POLR1G: variants seen among roughly 807,000 people sequenced by gnomAD.
The protein encoded by POLR1G is DNA-directed RNA polymerase I subunit RPA34.
In POLR1G, 9 loss-of-function variants were observed where a neutral mutation model predicts 6.3. The ratio of observed to expected loss-of-function variants is 1.44; its 90% CI spans 0.87 to 2.51. The LOEUF is 2.51. Ranked by LOEUF, POLR1G falls within the 30% of genes most tolerant of loss-of-function variation. The probability of loss-of-function intolerance (pLI) is 0.00; values close to 1 mark genes in which losing one functional copy is unlikely to be tolerated. For missense variants in POLR1G, 617 were observed against 632.5 expected (o/e 0.98, Z 0.26); for synonymous variants, 248 against 256.5 (o/e 0.97, Z 0.32).
rs757694703 is a variant in POLR1G at position 45,409,120 on chromosome 19, AAAG to A, written c.1157_1159del (p.Lys386del). On this transcript the variant is annotated inframe_deletion, in exon 3 of 3. Coordinates refer to ENST00000309424, the MANE Select transcript of POLR1G (RefSeq NM_012099.3). ...CCCAGGCAGCTCTGGCAGCTCCCAAAAAGAAGACGAAGAAAGAAAAACAGCAAG... is the reference window on the plus strand; with the variant it reads ...CCCAGGCAGCTCTGGCAGCTCCCAAAAAGACGAAGAAAGAAAAACAGCAAG... 3.7e-6 allele frequency: 6 copies of A among 1,613,258 alleles called. No homozygotes were observed. Among genetic ancestry groups the A allele is most frequent in the South Asian group, 2.2e-5 (2 of 91,002 alleles).
rs1370173436 is a variant in POLR1G at position 45,408,446 on chromosome 19, G to C, written c.478G>C (p.Gly160Arg). Residue 160 changes from glycine (G) to arginine (R), a missense_variant, in exon 3 of 3, where the codon GGG becomes CGG. Coordinates refer to ENST00000309424, the MANE Select transcript of POLR1G (RefSeq NM_012099.3). ...CTTTGGGGGCAACCCACCAGTCACAGGGCCTAGGTCAGCCTTGGCCCCCAA... is the reference window on the plus strand; with the variant it reads ...CTTTGGGGGCAACCCACCAGTCACACGGCCTAGGTCAGCCTTGGCCCCCAA... ...CAFGGNPPVT[G>R]PRSALAPNLL... 1 of 1,613,758 alleles carries C rather than the reference G, an allele frequency of 6.2e-7. No homozygotes were observed. The highest frequency in any genetic ancestry group is 8.5e-7 in the Non-Finnish European group (1 of 1,179,934).
chr19:45,408,377 C>T lies in POLR1G; in HGVS notation c.409C>T (p.Pro137Ser), dbSNP rs137924394. 211 of 1,608,838 alleles carry T rather than the reference C, an allele frequency of 1.3e-4. No homozygotes were observed. Among genetic ancestry groups the T allele is most frequent in the Non-Finnish European group, 1.7e-4 (205 of 1,176,470 alleles). The change falls in exon 3 of 3, where the codon CCC becomes TCC. Residue 137 changes from proline to serine, a missense_variant. Transcript: ENST00000309424. ...GSPLQPIPAS[P>S]PPQIPPGLRP... Reference sequence around the variant, plus strand: ...CCCTCTGCAGCCCATCCCAGCAAGTCCCCCACCACAGATCCCTCCTGGCCT... The same window carrying T: ...CCCTCTGCAGCCCATCCCAGCAAGTTCCCCACCACAGATCCCTCCTGGCCT...
chr19:45,407,320 G>A, intron 2 of POLR1G, 85 bp downstream of exon 2: 1 of 1,326,366 alleles, frequency 7.5e-7, no homozygotes, highest in Non-Finnish European at 1.1e-6. Context: ...AAGAATTAGA[G>A]GTGAGTCACA....
At position 45,409,008 on chromosome 19, in the gene POLR1G, T is replaced by C. The variant is rs1291235096; in HGVS notation, c.1040T>C (p.Met347Thr). The change falls in exon 3 of 3, where the codon ATG becomes ACG. Residue 347 changes from methionine to threonine, a missense_variant. Met to Thr is a moderately conservative substitution (Grantham distance 81). Transcript: ENST00000309424. Reference protein sequence around the residue: ...MAMMEPGTEAMEPVEPEMKPL... With the variant: ...MAMMEPGTEATEPVEPEMKPL... ...ATGATGGAGCCAGGGACGGAGGCGA[T>C]GGAGCCAGTGGAGCCGGAGATGAAG... The C allele has an allele frequency of 6.2e-7, 1 of 1,613,850 alleles. No homozygotes were observed. Among genetic ancestry groups the C allele is most frequent in the Admixed American group, 1.7e-5 (1 of 59,988 alleles).
chr19:45,407,540 A>G, intron 2 of POLR1G: 1 of 346,884 alleles, frequency 2.9e-6, no homozygotes, highest in Non-Finnish European at 5.2e-6. Flanking sequence ...CCTGCAACCT[A>G]AGCTTGCTCA....
chr19:45,408,089 T>C, intron 2 of POLR1G, 44 bp from the exon 3 acceptor site: 1 of 1,504,438 alleles, frequency 6.6e-7, no homozygotes, highest in Non-Finnish European at 9.0e-7. Flanking sequence ...ACCTTCCCTC[T>C]CCTGTTCCAC....
rs757913813 is a variant in POLR1G, at chr19:45,409,058, A to T, written c.1090A>T (p.Met364Leu). ...GCCTCTGGAGTCCCCAGGGGGGACCATGGCGCCTCAACAGCCAGAAGGAGC... is the reference window on the plus strand; with the variant it reads ...GCCTCTGGAGTCCCCAGGGGGGACCTTGGCGCCTCAACAGCCAGAAGGAGC... Reference protein sequence around the residue: ...MKPLESPGGTMAPQQPEGAKP... With the variant: ...MKPLESPGGTLAPQQPEGAKP... The change falls in exon 3 of 3, where the codon ATG becomes TTG. Residue 364 changes from methionine to leucine, a missense_variant. Transcript: ENST00000309424. 8 of 1,613,646 alleles carry T rather than the reference A, an allele frequency of 5.0e-6. No homozygotes were observed. In the African/African-American group the frequency reaches 9.3e-5, roughly 19 times the overall value.
In POLR1G at chr19:45,408,477, T is replaced by C. The variant is rs368322936; in HGVS notation, c.509T>C (p.Leu170Pro). The C allele has an allele frequency of 3.2e-5, 52 of 1,613,648 alleles. No homozygotes were observed. The African/African-American group carries it at 6.7e-4, about 21-fold the overall frequency. ...AGGTCAGCCTTGGCCCCCAACCTGCTCACCTCAGGGAAGAAGAAAAAGGAG... is the reference window on the plus strand; with the variant it reads ...AGGTCAGCCTTGGCCCCCAACCTGCCCACCTCAGGGAAGAAGAAAAAGGAG... ...GPRSALAPNL[L>P]TSGKKKKEMQ... The change falls in exon 3 of 3, where the codon CTC becomes CCC. Residue 170 changes from leucine (L) to proline (P), a missense_variant. Leu to Pro is a moderately conservative substitution (Grantham distance 98). Transcript: ENST00000309424.
Position 45,408,635 on chromosome 19 carries a change from G to A in POLR1G, c.667G>A (p.Glu223Lys), listed in dbSNP as rs575933606. The change falls in exon 3 of 3, where the codon GAA (glutamate) becomes AAA (lysine). Residue 223 changes from glutamate (E) to lysine (K), a missense_variant. Physicochemically the swap from Glu to Lys is moderately conservative, Grantham distance 56. Coordinates refer to ENST00000309424, the MANE Select transcript of POLR1G (RefSeq NM_012099.3). Reference sequence around the variant, plus strand: ...GAAGAAAAAAAATCAGCAGCTGAAAGAACCAGAGGCAGCAGGGCCTGTGGG... The same window carrying A: ...GAAGAAAAAAAATCAGCAGCTGAAAAAACCAGAGGCAGCAGGGCCTGTGGG... Reference protein sequence around the residue: ...KKKKKNQQLKEPEAAGPVGTE... With the variant: ...KKKKKNQQLKKPEAAGPVGTE... The A allele has an allele frequency of 8.7e-6, 14 of 1,613,828 alleles. No individual in the cohort carries two copies. The East Asian group carries it at 3.1e-4, about 36-fold the overall frequency.
chr19:45,409,510 C>T lies in POLR1G; in HGVS notation c.*9C>T, dbSNP rs755051088. ...AGCAGCAGCCTGTGTAGTCTGCCCC[C>T]GGGAAACTGAGGAACTAAAGAAAGC... On this transcript the variant is annotated 3_prime_UTR_variant, in exon 3 of 3. Coordinates refer to ENST00000309424, the MANE Select transcript of POLR1G (RefSeq NM_012099.3). 5.0e-6 allele frequency: 8 copies of T among 1,597,278 alleles called. No homozygotes were observed. Among genetic ancestry groups the T allele is most frequent in the Non-Finnish European group, 6.0e-6 (7 of 1,172,798 alleles).
rs1243917856 is a variant in POLR1G, at chr19:45,409,877, GTTA to G, written c.*394_*396del. 1,361 of 255,604 alleles carry G rather than the reference GTTA, an allele frequency of 5.3e-3. 50 individuals are homozygous for G. Among genetic ancestry groups the G allele is most frequent in the Non-Finnish European group, 6.2e-3 (907 of 145,368 alleles). 15.8% of individuals were successfully genotyped at this position (255,604 alleles called of 1,614,324 possible). A position where few individuals can be genotyped will look rare whatever the true frequency, so the allele number is the denominator to read the frequency against. ...AACAATCCAGTTACAATCTTTTTAA[GTTA>G]TTATTATTATTATTATTTTTTTTTT... On this transcript the variant is annotated 3_prime_UTR_variant, in exon 3 of 3. Coordinates refer to ENST00000309424, the MANE Select transcript of POLR1G (RefSeq NM_012099.3).
chr19:45,409,505 G>GC lies in POLR1G; in HGVS notation c.*9dup, dbSNP rs757317847. Reference sequence around the variant, plus strand: ...GCAGCAGCAGCAGCCTGTGTAGTCTGCCCCCGGGAAACTGAGGAACTAAAG... The same window carrying GC: ...GCAGCAGCAGCAGCCTGTGTAGTCTGCCCCCCGGGAAACTGAGGAACTAAAG... On this transcript the variant is annotated 3_prime_UTR_variant, in exon 3 of 3. Transcript: ENST00000309424. 14 of 1,600,920 alleles carry GC rather than the reference G, an allele frequency of 8.7e-6. No homozygotes were observed. The highest frequency in any genetic ancestry group is 2.2e-5 in the South Asian group (2 of 89,704).
rs1308353188 is a variant in POLR1G, at chr19:45,406,737, GGGGTGCGGA to G, written c.22+27_22+35del. 6 of 1,520,180 alleles carry G rather than the reference GGGGTGCGGA, an allele frequency of 3.9e-6. No homozygotes were observed. The highest frequency in any genetic ancestry group is 4.4e-6 in the Non-Finnish European group (5 of 1,136,972). 94.2% of individuals were successfully genotyped at this position (1,520,180 alleles called of 1,614,324 possible). On this transcript the variant is annotated intron_variant, in intron 1 of 2. Transcript: ENST00000309424. The surrounding 1 kb of genome is among the most constrained non-coding windows in gnomAD (Gnocchi z 4.2). Reference sequence around the variant, plus strand: ...GCCGGCGGTGAGGGTGCGGGTTGACGGGGTGCGGAGGGTGCGTTGGTGGAAGGAGAAAGG... The same window carrying G: ...GCCGGCGGTGAGGGTGCGGGTTGACGGGGTGCGTTGGTGGAAGGAGAAAGG...
In POLR1G at chr19:45,408,307, C is replaced by A. The variant is rs201322262; in HGVS notation, c.339C>A (p.Gly113=). Residue 113 remains glycine, a synonymous_variant, in exon 3 of 3, where the codon GGC becomes GGA. Coordinates refer to ENST00000309424, the MANE Select transcript of POLR1G (RefSeq NM_012099.3). ...TCACCTGTGCCTCAGCCCCCCAGGG[C>A]ACCCTAAGGATCCTTGAGGGTCCCC... ...GGLTCASAPQ[G]TLRILEGPQQ... 1.2e-6 allele frequency: 2 copies of A among 1,612,640 alleles called. No individual in the cohort carries two copies. The highest frequency in any genetic ancestry group is 1.7e-6 in the Non-Finnish European group (2 of 1,179,238).
In POLR1G at chr19:45,409,062, C is replaced by T. The variant is rs752096692; in HGVS notation, c.1094C>T (p.Ala365Val). The change falls in exon 3 of 3, where the codon GCG (alanine) becomes GTG (valine). Residue 365 changes from alanine (A) to valine (V), a missense_variant. By Grantham distance (64) the Ala-to-Val change is moderately conservative. Coordinates refer to ENST00000309424, the MANE Select transcript of POLR1G (RefSeq NM_012099.3). ...CTGGAGTCCCCAGGGGGGACCATGG[C>T]GCCTCAACAGCCAGAAGGAGCGAAG... is the stretch of plus-strand genomic sequence containing the variant. ...KPLESPGGTM[A>V]PQQPEGAKPQ... The T allele has an allele frequency of 1.1e-5, 17 of 1,613,568 alleles. No homozygotes were observed. Among genetic ancestry groups the T allele is most frequent in the African/African-American group, 5.3e-5 (4 of 74,904 alleles).
chr19:45,407,954 TGAGGCAG>T, intron 2 of POLR1G, 172 bp from the exon 3 acceptor site: 1 of 746,136 alleles, frequency 1.3e-6, no homozygotes, highest in Non-Finnish European at 2.0e-6. Flanking sequence ...CTTGAGAGGC[TGAGGCAG>T]GAGAATCGCT....
Position 45,408,364 on chromosome 19 carries a change from C to T in POLR1G, c.396C>T (p.Pro132=), listed in dbSNP as rs1973476757. 2 of 1,607,716 alleles carry T rather than the reference C, an allele frequency of 1.2e-6. No individual in the cohort carries two copies. The highest frequency in any genetic ancestry group is 1.1e-5 in the South Asian group (1 of 90,772). ...CCCTGTCAGGGAGCCCTCTGCAGCCCATCCCAGCAAGTCCCCCACCACAGA... is the reference window on the plus strand; with the variant it reads ...CCCTGTCAGGGAGCCCTCTGCAGCCTATCCCAGCAAGTCCCCCACCACAGA... ...QQSLSGSPLQ[P]IPASPPPQIP... The change falls in exon 3 of 3, where the codon CCC becomes CCT. Residue 132 remains proline (P), a synonymous_variant. Transcript: ENST00000309424.
At position 45,409,762 on chromosome 19, in the gene POLR1G, T is replaced by C. The variant is rs771323349; in HGVS notation, c.*261T>C. On this transcript the variant is annotated 3_prime_UTR_variant, in exon 3 of 3. Transcript: ENST00000309424. ...GGAGAAAAAAATGAGGAACCAGTCATTAAAGGAGCTGTTTCCTGGGTAAAT... is the reference window on the plus strand; with the variant it reads ...GGAGAAAAAAATGAGGAACCAGTCACTAAAGGAGCTGTTTCCTGGGTAAAT... The C allele has an allele frequency of 1.3e-6, 1 of 764,562 alleles. No individual in the cohort carries two copies. The highest frequency in any genetic ancestry group is 2.4e-6 in the Non-Finnish European group (1 of 412,068). 47.4% of individuals were successfully genotyped at this position (764,562 alleles called of 1,614,324 possible).
chr19:45,407,479 A>G, intron 2 of POLR1G: 1 of 478,998 alleles, frequency 2.1e-6, no homozygotes, highest in Non-Finnish European at 3.6e-6. Context: ...TGGAGTGTGC[A>G]GATAAGCTCA....
Sources: gnomAD v4.1 joint callset for allele counts on GRCh38, gnomAD v4.1.1 for gene constraint, Gnocchi (gnomAD v3.1) non-coding constraint, MANE v1.5 for transcripts, NCBI Gene and HGNC (gene_info 2026-07-23, HGNC 2026-07-21) for gene names.